Variants in RALY observed in about 807,000 individuals in gnomAD.
RALY encodes the protein RNA-binding protein Raly.
A neutral mutation model predicts 30.7 loss-of-function variants in RALY; 15 were observed. The observed-to-expected ratio is 0.49, with a 90% confidence interval of 0.33 to 0.75. RALY has a LOEUF of 0.75. RALY is among the 30% of genes least tolerant of loss of function. The pLI is 0.02. For missense variants in RALY, 339 were observed against 414.3 expected, an observed-to-expected ratio of 0.82 and a Z score of 1.58; for synonymous variants, 177 against 170.8, an observed-to-expected ratio of 1.04 and a Z score of -0.28.
chr20:34,019,554 A>T (rs1341783930), intron 1 of RALY, among the ~76,000 whole-genome samples: 1 of 152,128 alleles, frequency 6.6e-6, no homozygotes, highest in Non-Finnish European at 1.5e-5. Context: ...AGAACCGAAG[A>T]TCCCCATGTT....
At chr20:34,034,167 C>T (rs1228661643) in intron 2 of RALY, among the ~76,000 whole-genome samples, 1 of 152,222 alleles carries the variant, frequency 6.6e-6, no homozygotes, top group Non-Finnish European at 1.5e-5. Flanking sequence ...CCTGCCTCTG[C>T]TTACTGCTAG....
intron 1 of RALY, among the ~76,000 whole-genome samples, chr20:34,005,014 A>C (rs1221523449): frequency 6.6e-6 from 1 of 152,142 alleles, no homozygotes; most frequent in Non-Finnish European, 1.5e-5. Context: ...AATGTACCTT[A>C]AATTACCTGG....
Position 34,072,061 on chromosome 20 carries a change from T to C in RALY, c.-9-5T>C. On this transcript the variant is annotated splice_polypyrimidine_tract_variant and splice_region_variant and intron_variant, in intron 2 of 9. Coordinates refer to ENST00000246194, the MANE Select transcript of RALY (RefSeq NM_016732.3). Reference sequence around the variant, plus strand: ...CCCAGCTTCACCGAGGCTCTTTTTCTTCAGGTGGGCACCATGTCCTTGAAG... The same window carrying C: ...CCCAGCTTCACCGAGGCTCTTTTTCCTCAGGTGGGCACCATGTCCTTGAAG... 1 of 1,611,692 alleles carries C rather than the reference T, an allele frequency of 6.2e-7. No homozygotes were observed. Among genetic ancestry groups the C allele is most frequent in the Non-Finnish European group, 8.5e-7 (1 of 1,178,378 alleles).
intron 1 of RALY, 148 bp from the exon 2 acceptor site, chr20:34,031,374 T>C (rs909092951): frequency 6.6e-6 from 1 of 152,138 alleles, no homozygotes; most frequent in African/African-American, 2.4e-5. Flanking sequence ...CTTATTTTTC[T>C]TTATGGCACT....
chr20:34,060,821 C>T (rs1292919597), intron 2 of RALY, among the ~76,000 whole-genome samples: 2 of 152,196 alleles, frequency 1.3e-5, no homozygotes, highest in African/African-American at 4.8e-5. Context: ...GAAAACACTA[C>T]ATAAGCTCAA....
intron 1 of RALY, among the ~76,000 whole-genome samples, chr20:34,002,370 C>A (rs372585258): frequency 6.6e-6 from 1 of 152,180 alleles, no homozygotes; most frequent in South Asian, 2.1e-4. Context: ...CTCAACCATT[C>A]GTTCCAGGAA....
intron 1 of RALY, among the ~76,000 whole-genome samples, chr20:34,020,086 A>G (rs1214048073): frequency 6.6e-6 from 1 of 152,190 alleles, no homozygotes; most frequent in Non-Finnish European, 1.5e-5. Flanking sequence ...TTGAGTGCCC[A>G]CTGTGTACCA....
At chr20:34,046,276 A>C (rs1202405243) in intron 2 of RALY, among the ~76,000 whole-genome samples, 2 of 152,174 alleles carry the variant, frequency 1.3e-5, no homozygotes, top group African/African-American at 4.8e-5. Flanking sequence ...AAAGAGGATA[A>C]AGTTTGGAGT....
At chr20:34,072,375 C>T in intron 3 of RALY, 45 bp downstream of exon 3, 1 of 1,575,284 alleles carries the variant, frequency 6.3e-7, no homozygotes, top group Non-Finnish European at 8.6e-7. Flanking sequence ...TCTAGAATAG[C>T]TGCTATCACT....
rs1166112479 is a variant in RALY, at chr20:34,080,477, G to A, written c.*572G>A. 1 of 152,102 alleles carries A rather than the reference G, an allele frequency of 6.6e-6. No homozygotes were observed. The highest frequency in any genetic ancestry group is 1.5e-5 in the Non-Finnish European group (1 of 68,062). The allele number at this position is 152,102 out of a possible 1,614,324, so 9.4% of individuals were successfully genotyped here. On this transcript the variant is annotated 3_prime_UTR_variant, in exon 10 of 10. Coordinates refer to ENST00000246194, the MANE Select transcript of RALY (RefSeq NM_016732.3). Reference sequence around the variant, plus strand: ...AGTGTCAAGCAGTTGTGACCCACTTGGTTTACCCCATAGTAGGTCAAGACC... The same window carrying A: ...AGTGTCAAGCAGTTGTGACCCACTTAGTTTACCCCATAGTAGGTCAAGACC...
intron 2 of RALY, among the ~76,000 whole-genome samples, chr20:34,037,447 G>C (rs2032538664): frequency 6.6e-6 from 1 of 152,132 alleles, no homozygotes; most frequent in South Asian, 2.1e-4. Flanking sequence ...TGGCTTTTGG[G>C]GGACCATTCT....
intron 2 of RALY, among the ~76,000 whole-genome samples, chr20:34,047,842 G>A (rs1276021406): frequency 4.6e-5 from 7 of 152,190 alleles, no homozygotes; most frequent in Admixed American, 4.6e-4. Flanking sequence ...TTGAAGGCCA[G>A]TATCCCTAGG....
chr20:34,077,084 AGCGGTGGCGGTG>A lies in RALY; in HGVS notation c.718_729del (p.Gly240_Gly243del). 1 of 1,605,346 alleles carries A rather than the reference AGCGGTGGCGGTG, an allele frequency of 6.2e-7. No homozygotes were observed. The highest frequency in any genetic ancestry group is 8.5e-7 in the Non-Finnish European group (1 of 1,176,188). On this transcript the variant is annotated inframe_deletion, in exon 8 of 10. Coordinates refer to ENST00000246194, the MANE Select transcript of RALY (RefSeq NM_016732.3). ...CGGCGGCGGCGGCGGTGGTGGTGGC[AGCGGTGGCGGTG>A]GCAGTGGTGGTGGCGGTGGCGGTGG... is the stretch of plus-strand genomic sequence containing the variant.
chr20:34,073,911 G>A, intron 5 of RALY, 45 bp downstream of exon 5: 1 of 1,590,550 alleles, frequency 6.3e-7, no homozygotes, highest in Non-Finnish European at 8.6e-7. Flanking sequence ...AGCCAAGCTG[G>A]AAGGGTCTTG....
At chr20:34,037,230 A>G (rs1380936674) in intron 2 of RALY, among the ~76,000 whole-genome samples, 1 of 152,236 alleles carries the variant, frequency 6.6e-6, no homozygotes. Flanking sequence ...TGCTAGGGCT[A>G]GACCCATAGT....
chr20:34,006,992 G>T (rs1024198304), intron 1 of RALY, among the ~76,000 whole-genome samples: 2 of 152,118 alleles, frequency 1.3e-5, no homozygotes, highest in South Asian at 2.1e-4. Flanking sequence ...CCTATGGTGT[G>T]TTTTCTGTGT....
intron 2 of RALY, among the ~76,000 whole-genome samples, chr20:34,056,779 A>G (rs1331409339): frequency 6.6e-6 from 1 of 152,198 alleles, no homozygotes; most frequent in Non-Finnish European, 1.5e-5. Context: ...ATGGTAATAC[A>G]TGGTGCTGCG....
At chr20:33,996,434 G>C (rs1489290623) in intron 1 of RALY, among the ~76,000 whole-genome samples, 1 of 152,114 alleles carries the variant, frequency 6.6e-6, no homozygotes, top group South Asian at 2.1e-4. Context: ...ATGGACTGAG[G>C]ACTTTATGGA....
At chr20:33,995,557 C>T (rs2030576658) in intron 1 of RALY, among the ~76,000 whole-genome samples, 1 of 152,144 alleles carries the variant, frequency 6.6e-6, no homozygotes, top group Admixed American at 6.5e-5. Context: ...GAGGGAGTGT[C>T]TAAAAATCAG....
Sources: gnomAD v4.1 joint callset for allele counts (sites outside exome capture counted in the v4.1 genomes callset) on GRCh38, gnomAD v4.1.1 for gene constraint, MANE v1.5 for transcripts, NCBI Gene and HGNC (gene_info 2026-07-23, HGNC 2026-07-21) for gene names.